MPHOSPH9: variants seen among roughly 807,000 people sequenced by gnomAD.
The protein encoded by MPHOSPH9 is M-phase phosphoprotein 9.
Under a neutral mutation model 145.5 loss-of-function variants are expected in MPHOSPH9, and 88 were observed. That is an observed-to-expected ratio of 0.60 (90% CI 0.51 to 0.72). MPHOSPH9 has a LOEUF of 0.72. Ranked by LOEUF, MPHOSPH9 falls within the 30% of genes least tolerant of loss-of-function variation. The probability of loss-of-function intolerance (pLI) is 0.00; values close to 1 mark genes in which losing one functional copy is unlikely to be tolerated. For synonymous variants in MPHOSPH9, 435 were observed against 486.2 expected, an observed-to-expected ratio of 0.89 and a Z score of 1.39; for missense variants, 1,238 against 1,386.6, an observed-to-expected ratio of 0.89 and a Z score of 1.70.
chr12:123,228,620 G>A (rs920417672), intron 2 of MPHOSPH9, among the ~76,000 whole-genome samples: 10 of 152,196 alleles, frequency 6.6e-5, no homozygotes, highest in Admixed American at 3.3e-4. Context: ...CCCAGGACAC[G>A]GAGATCGCAA....
At chr12:123,169,161 A>G (rs1192855279) in intron 16 of MPHOSPH9, among the ~76,000 whole-genome samples, 1 of 151,636 alleles carries the variant, frequency 6.6e-6, no homozygotes, top group African/African-American at 2.4e-5. Flanking sequence ...TGCTGGGATT[A>G]CAGGCGTGAG....
chr12:123,225,990 C>A (rs1219192669), intron 3 of MPHOSPH9, among the ~76,000 whole-genome samples: 3 of 152,114 alleles, frequency 2.0e-5, no homozygotes, highest in Non-Finnish European at 4.4e-5. Flanking sequence ...GAGCCGAGAT[C>A]GCACCATAGC....
intron 12 of MPHOSPH9, among the ~76,000 whole-genome samples, chr12:123,197,952 A>C (rs1182990871): frequency 1.3e-5 from 2 of 148,314 alleles, no homozygotes; most frequent in South Asian, 2.1e-4. Flanking sequence ...GGCGTGGTGG[A>C]GGGCGCCTGT....
intron 12 of MPHOSPH9, among the ~76,000 whole-genome samples, chr12:123,196,133 T>A (rs1390930931): frequency 6.6e-6 from 1 of 151,750 alleles, no homozygotes; most frequent in Admixed American, 6.6e-5. Flanking sequence ...GCAGATCACC[T>A]GAGGTCAGGA....
chr12:123,218,536 T>G, intron 5 of MPHOSPH9, 37 bp from the exon 6 acceptor site: 2 of 1,603,180 alleles, frequency 1.2e-6, no homozygotes, highest in Non-Finnish European at 8.5e-7. Flanking sequence ...ACTTTTTTTT[T>G]TTGTTTTGAG....
At chr12:123,156,954 G>C (rs745314257) in intron 23 of MPHOSPH9, 46 bp from the exon 24 acceptor site, 10 of 1,440,960 alleles carry the variant, frequency 6.9e-6, no homozygotes, top group Non-Finnish European at 9.7e-6. Flanking sequence ...TCTATACCAA[G>C]TTCTATAATC....
chr12:123,161,218 T>G lies in MPHOSPH9; in HGVS notation c.3299A>C (p.Asn1100Thr). ...AATTTTTGCTGTATATTCAAAATCA[T>G]TCCCCTGTGGAGTGACTGAAACCGG... ...CKPVSVTPQG[N>T]DFEYTAKIRT... The change falls in exon 22 of 24, where the codon AAT becomes ACT. Residue 1100 changes from asparagine to threonine, a missense_variant. Physicochemically the swap from Asn to Thr is moderately conservative, Grantham distance 65. This residue lies in a region of MPHOSPH9 where 393 missense variants were observed against 462.5 expected (regional missense o/e 0.85). Transcript: ENST00000606320. 1.2e-6 allele frequency: 2 copies of G among 1,614,202 alleles called. No individual in the cohort carries two copies. The highest frequency in any genetic ancestry group is 1.7e-6 in the Non-Finnish European group (2 of 1,180,018).
rs573336787 is a variant in MPHOSPH9 at position 123,203,550 on chromosome 12, G to A, written c.1195-175C>T. 2.6e-5 allele frequency among the ~76,000 whole-genome samples: 4 copies of A among 152,310 alleles called. No individual in the cohort carries two copies. In the East Asian group the frequency reaches 7.7e-4, roughly 29 times the overall value. On this transcript the variant is annotated intron_variant, in intron 8 of 23. Transcript: ENST00000606320. ...TACCTAGTATGATGAGTCTACCTCA[G>A]AATGGAAAGATGTTTGGATCTCCTA... is the stretch of plus-strand genomic sequence containing the variant.
chr12:123,232,108 A>AG (rs537199931), intron 1 of MPHOSPH9, among the ~76,000 whole-genome samples: 54 of 151,822 alleles, frequency 3.6e-4, no homozygotes, highest in Non-Finnish European at 6.5e-4. Flanking sequence ...GCATTGAAAC[A>AG]GTCAAGGACT....
chr12:123,162,408 A>G (rs1450951247), intron 20 of MPHOSPH9, 190 bp from the exon 21 acceptor site: 1 of 376,872 alleles, frequency 2.7e-6, no homozygotes, highest in Non-Finnish European at 4.7e-6. Flanking sequence ...TACAAACTAA[A>G]GACTTAAAAC....
chr12:123,206,699 G>T (rs570371913), intron 8 of MPHOSPH9, among the ~76,000 whole-genome samples: 1 of 148,228 alleles, frequency 6.7e-6, no homozygotes, highest in African/African-American at 2.5e-5. Flanking sequence ...GGGTCACAAG[G>T]TCAGGAGATC....
At chr12:123,225,416 C>T (rs1170943167) in intron 3 of MPHOSPH9, among the ~76,000 whole-genome samples, 47 of 141,920 alleles carry the variant, frequency 3.3e-4, no homozygotes, top group African/African-American at 1.2e-3. Context: ...TGTACTCCAG[C>T]CTGGATGACA....
intron 3 of MPHOSPH9, 24 bp downstream of exon 3, chr12:123,227,439 C>A: frequency 7.0e-7 from 1 of 1,420,752 alleles, no homozygotes; most frequent in Non-Finnish European, 9.2e-7. Flanking sequence ...TTTAAAATTC[C>A]AAAAATAAAA....
intron 8 of MPHOSPH9, 31 bp from the exon 9 acceptor site, chr12:123,203,406 T>C (rs2046303314): frequency 1.3e-6 from 2 of 1,536,576 alleles, no homozygotes; most frequent in Non-Finnish European, 1.8e-6. Flanking sequence ...TTAAATGGTG[T>C]TATCAATAAT....
At chr12:123,164,569 C>T (rs543594300) in intron 18 of MPHOSPH9, among the ~76,000 whole-genome samples, 2 of 152,290 alleles carry the variant, frequency 1.3e-5, no homozygotes, top group South Asian at 4.1e-4. Flanking sequence ...TCTACAGATG[C>T]TCAGTAACCA....
At chr12:123,158,050 C>T (rs2043946955) in intron 23 of MPHOSPH9, among the ~76,000 whole-genome samples, 1 of 151,520 alleles carries the variant, frequency 6.6e-6, no homozygotes, top group African/African-American at 2.4e-5. Context: ...AGTGCAGTGG[C>T]ACAATCTCAG....
intron 13 of MPHOSPH9, among the ~76,000 whole-genome samples, chr12:123,191,119 C>T (rs762440217): frequency 4.6e-5 from 7 of 151,816 alleles, no homozygotes; most frequent in Non-Finnish European, 8.8e-5. Context: ...GTCGGGAGTT[C>T]GAGACCAGCC....
intron 12 of MPHOSPH9, among the ~76,000 whole-genome samples, chr12:123,197,003 T>C (rs957940355): frequency 1.0e-4 from 15 of 147,720 alleles, no homozygotes; most frequent in African/African-American, 3.7e-4. Context: ...AAGGACAGAA[T>C]GTGGGGGGTG....
At chr12:123,201,274 G>A (rs185349204) in intron 11 of MPHOSPH9, among the ~76,000 whole-genome samples, 28 of 152,202 alleles carry the variant, frequency 1.8e-4, no homozygotes, top group South Asian at 1.0e-3. Context: ...TTAACCAGAC[G>A]GAAGATTTTA....
Sources: gnomAD v4.1 joint callset for allele counts (sites outside exome capture counted in the v4.1 genomes callset) on GRCh38, gnomAD v4.1.1 for gene constraint, gnomAD v4.1.1 regional missense constraint, MANE v1.5 for transcripts, NCBI Gene and HGNC (gene_info 2026-07-23, HGNC 2026-07-21) for gene names.